The following ADCY2 variants were observed in gnomAD, a reference collection of about 807,000 sequenced individuals.
ADCY2 encodes adenylate cyclase 2.
ADCY2 carries 31 observed loss-of-function variants against 125.2 expected under a neutral mutation model. The ratio of observed to expected loss-of-function variants is 0.25; its 90% CI spans 0.19 to 0.33. The LOEUF (loss-of-function observed/expected upper bound fraction) is 0.33, where lower values mean the gene tolerates loss of function less well. Ranked by LOEUF, ADCY2 falls within the 10% of genes least tolerant of loss-of-function variation. The pLI is 1.00. For missense variants in ADCY2, 904 were observed against 1,418.2 expected (o/e 0.64, Z 5.82); for synonymous variants, 512 against 548.4 (o/e 0.93, Z 0.93).
chr5:7,716,903 T>A (rs1741609719), intron 11 of ADCY2, among the ~76,000 whole-genome samples: 1 of 152,200 alleles, frequency 6.6e-6, no homozygotes, highest in South Asian at 2.1e-4. Context: ...ATAGGGTGAC[T>A]GTAGTTAGCA....
intron 2 of ADCY2, among the ~76,000 whole-genome samples, chr5:7,498,337 C>T (rs534406392): frequency 1.3e-5 from 2 of 149,490 alleles, no homozygotes; most frequent in South Asian, 2.1e-4. Context: ...CAAACTCCAC[C>T]TCCCAGGTTC....
chr5:7,470,739 G>A (rs1742306280), intron 2 of ADCY2, among the ~76,000 whole-genome samples: 1 of 151,166 alleles, frequency 6.6e-6, no homozygotes, highest in Non-Finnish European at 1.5e-5. Context: ...AAGAAAGAAA[G>A]TATAGTCTAC....
Position 7,827,442 on chromosome 5 carries a change from C to T in ADCY2, c.*571C>T, listed in dbSNP as rs1467975979. The T allele has an allele frequency of 6.5e-6, 1 of 152,890 alleles. No homozygotes were observed. The highest frequency in any genetic ancestry group is 1.9e-4 in the East Asian group (1 of 5,328). The allele number at this position is 152,890 out of a possible 1,614,324, so 9.5% of individuals were successfully genotyped here. A position where few individuals can be genotyped will look rare whatever the true frequency, so the allele number is the denominator to read the frequency against. On this transcript the variant is annotated 3_prime_UTR_variant, in exon 25 of 25. Coordinates refer to ENST00000338316, the MANE Select transcript of ADCY2 (RefSeq NM_020546.3). ...CCGTCACCAGAATTAGTCCTCACAGCCTAGGACCAGTTTTGTATCAAACTC... is the reference window on the plus strand; with the variant it reads ...CCGTCACCAGAATTAGTCCTCACAGTCTAGGACCAGTTTTGTATCAAACTC...
intron 2 of ADCY2, among the ~76,000 whole-genome samples, chr5:7,426,743 G>A (rs548820948): frequency 1.5e-4 from 23 of 152,180 alleles, no homozygotes; most frequent in African/African-American, 5.3e-4. Flanking sequence ...GACCATCCCT[G>A]GGTCTCCCCC....
rs767411861 is a variant in ADCY2 at position 7,397,445 on chromosome 5, GTTTTTTTTTTTT to G, written c.210+956_210+967del. On this transcript the variant is annotated intron_variant, in intron 1 of 24. Coordinates refer to ENST00000338316, the MANE Select transcript of ADCY2 (RefSeq NM_020546.3). Reference sequence around the variant, plus strand: ...CGAGGCATTGATTATCCACCAGTGAGTTTTTTTTTTTTTTTTTTTTTTTTTTTTAGTCAGTGG... The same window carrying G: ...CGAGGCATTGATTATCCACCAGTGAGTTTTTTTTTTTTTTTTAGTCAGTGG... Among the ~76,000 whole-genome samples, 26 of 70,106 alleles carry G rather than the reference GTTTTTTTTTTTT, an allele frequency of 3.7e-4. No individual in the cohort carries two copies. The East Asian group carries it at 5.8e-3, about 16-fold the overall frequency. 46.0% of individuals were successfully genotyped at this position (70,106 alleles called of 152,430 possible).
intron 12 of ADCY2, 137 bp from the exon 13 acceptor site, chr5:7,724,408 G>GT (rs371811181): frequency 0.054 from 30,231 of 560,698 alleles, 81 homozygotes; most frequent in South Asian, 0.078. Flanking sequence ...GGCATCACGT[G>GT]TTTTTTTTTT....
At position 7,666,090 on chromosome 5, in the gene ADCY2, G is replaced by C. The variant is rs565931117; in HGVS notation, c.721-24601G>C. Among the ~76,000 whole-genome samples the C allele has an allele frequency of 6.9e-3, 1,039 of 151,586 alleles. 12 individuals are homozygous for C. Among genetic ancestry groups the C allele is most frequent in the African/African-American group, 0.024 (983 of 41,332 alleles). On this transcript the variant is annotated intron_variant, in intron 4 of 24. Coordinates refer to ENST00000338316, the MANE Select transcript of ADCY2 (RefSeq NM_020546.3). ...CCTGACCTCGTGATCCGCCCGCCTTGGCCTCCCAAAGTGCTGGGATTACAG... is the reference window on the plus strand; with the variant it reads ...CCTGACCTCGTGATCCGCCCGCCTTCGCCTCCCAAAGTGCTGGGATTACAG...
chr5:7,761,759 T>A (rs1445282923), intron 16 of ADCY2, among the ~76,000 whole-genome samples: 1 of 152,234 alleles, frequency 6.6e-6, no homozygotes, highest in Non-Finnish European at 1.5e-5. Context: ...CTATTTTGTA[T>A]AGCATAATTA....
chr5:7,568,374 TGAA>T (rs1399496570), intron 3 of ADCY2, among the ~76,000 whole-genome samples: 2 of 152,240 alleles, frequency 1.3e-5, no homozygotes, highest in Non-Finnish European at 2.9e-5. Context: ...AAAAGAAAGT[TGAA>T]GAAGCATATG....
At chr5:7,719,612 A>T (rs1432533183) in intron 12 of ADCY2, among the ~76,000 whole-genome samples, 1 of 152,214 alleles carries the variant, frequency 6.6e-6, no homozygotes, top group African/African-American at 2.4e-5. Flanking sequence ...CATTTGTTAA[A>T]AGACGACTGA....
At position 7,773,088 on chromosome 5, in the gene ADCY2, G is replaced by C; in HGVS notation, c.2371G>C (p.Val791Leu). The C allele has an allele frequency of 6.2e-7, 1 of 1,613,936 alleles. No homozygotes were observed. The highest frequency in any genetic ancestry group is 1.1e-5 in the South Asian group (1 of 91,024). Residue 791 changes from valine (V) to leucine (L), a missense_variant, in exon 18 of 25, where the codon GTC becomes CTC. Physicochemically the swap from Val to Leu is conservative, Grantham distance 32. Transcript: ENST00000338316. ...HAHVLGDYSQ[V>L]LFERPGIWKD... ...CCACGTCCTGGGCGACTACAGCCAG[G>C]TCTTATTTGAGAGGTGAGCCACGGC...
rs1007726619 is a variant in ADCY2, at chr5:7,542,131, G to T, written c.570+21232G>T. Among the ~76,000 whole-genome samples the T allele has an allele frequency of 1.2e-4, 19 of 152,264 alleles. No homozygotes were observed. The South Asian group carries it at 3.7e-3, about 30-fold the overall frequency. On this transcript the variant is annotated intron_variant, in intron 3 of 24. Coordinates refer to ENST00000338316, the MANE Select transcript of ADCY2 (RefSeq NM_020546.3). ...GTGGCTCAGCTTATAAGTGGAAGAT[G>T]TAGAATCTGAACTTAGACAGGCTGG...
At chr5:7,403,374 C>A (rs1354142596) in intron 1 of ADCY2, among the ~76,000 whole-genome samples, 3 of 152,056 alleles carry the variant, frequency 2.0e-5, no homozygotes, top group African/African-American at 7.2e-5. Context: ...TATGGTCAAC[C>A]TAATGTCTGA....
chr5:7,782,704 T>C (rs900116845), intron 18 of ADCY2, among the ~76,000 whole-genome samples: 18 of 152,228 alleles, frequency 1.2e-4, no homozygotes, highest in African/African-American at 3.6e-4. Context: ...ATTAGCTTCG[T>C]AGGATGTTAG....
intron 15 of ADCY2, among the ~76,000 whole-genome samples, chr5:7,751,078 T>C (rs1282554300): frequency 6.6e-6 from 1 of 152,198 alleles, no homozygotes; most frequent in African/African-American, 2.4e-5. Context: ...TCCTGAGATG[T>C]TTCATAGCCT....
chr5:7,487,439 C>T (rs1742980559), intron 2 of ADCY2, among the ~76,000 whole-genome samples: 2 of 152,162 alleles, frequency 1.3e-5, no homozygotes, highest in African/African-American at 2.4e-5. Flanking sequence ...TAACCTATGT[C>T]TTTGGTTATC....
At position 7,633,994 on chromosome 5, in the gene ADCY2, T is replaced by G. The variant is rs73050160; in HGVS notation, c.720+7678T>G. Among the ~76,000 whole-genome samples the G allele has an allele frequency of 7.8e-3, 1,195 of 152,322 alleles. 18 individuals carry two copies. The highest frequency in any genetic ancestry group is 0.027 in the African/African-American group (1,126 of 41,566). ...AAAAAGCAATTCTAAAATGAGCCCT[T>G]TTGTTTCATTAAACATTCTTGTGAT... On this transcript the variant is annotated intron_variant, in intron 4 of 24. Transcript: ENST00000338316.
intron 3 of ADCY2, among the ~76,000 whole-genome samples, chr5:7,599,610 C>A (rs1737128779): frequency 6.6e-6 from 1 of 152,076 alleles, no homozygotes; most frequent in Non-Finnish European, 1.5e-5. Flanking sequence ...GGGCTGGAGA[C>A]ACAGATTTGG....
intron 14 of ADCY2, among the ~76,000 whole-genome samples, chr5:7,732,356 C>A (rs1196206313): frequency 6.6e-6 from 1 of 152,216 alleles, no homozygotes; most frequent in Non-Finnish European, 1.5e-5. Context: ...TTCAGGGCCC[C>A]TGACTTTATT....
Sources: allele counts gnomAD v4.1 joint callset (sites outside exome capture counted in the v4.1 genomes callset), GRCh38; gene constraint gnomAD v4.1.1; transcripts MANE v1.5; gene names NCBI Gene and HGNC (gene_info 2026-07-23, HGNC 2026-07-21).